Variants in CLEC7A observed in about 807,000 individuals in gnomAD.
CLEC7A encodes C-type lectin domain family 7 member A.
CLEC7A carries 25 observed loss-of-function variants against 26.9 expected under a neutral mutation model. That is an observed-to-expected ratio of 0.93 (90% CI 0.68 to 1.30). The LOEUF (loss-of-function observed/expected upper bound fraction) is 1.30. CLEC7A is among the 50% of genes most tolerant of loss of function. The pLI is 0.00. For synonymous variants in CLEC7A, 100 were observed against 99.5 expected (o/e 1.01, Z -0.03); for missense variants, 275 against 286.7 (o/e 0.96, Z 0.29).
chr12:10,123,404 G>A lies in CLEC7A; in HGVS notation c.493-41C>T, dbSNP rs571106532. On this transcript the variant is annotated intron_variant, in intron 4 of 5. Transcript: ENST00000304084. ...TACAAATATATAATAAAGAGAGAGA[G>A]AGAGAGAGAAAGAAACTATTATCAT... is the stretch of plus-strand genomic sequence containing the variant. 92 of 1,134,840 alleles carry A rather than the reference G, an allele frequency of 8.1e-5. No individual in the cohort carries two copies. The Admixed American group carries it at 1.3e-3, about 16-fold the overall frequency. The allele number at this position is 1,134,840 out of a possible 1,614,324, so 70.3% of individuals were successfully genotyped here.
chr12:10,122,469 A>G (rs1425253482), intron 5 of CLEC7A, among the ~76,000 whole-genome samples: 1 of 143,170 alleles, frequency 7.0e-6, no homozygotes, highest in African/African-American at 2.8e-5. Flanking sequence ...AGAGGAAAGC[A>G]CTCTTTCTTT....
intron 5 of CLEC7A, among the ~76,000 whole-genome samples, chr12:10,121,501 C>T (rs1038556204): frequency 1.3e-5 from 2 of 152,140 alleles, no homozygotes; most frequent in African/African-American, 2.4e-5. Context: ...ACTACAAGCA[C>T]GTGGAGCATG....
Position 10,126,683 on chromosome 12 carries a change from G to T in CLEC7A, c.228C>A (p.Ser76Arg). The T allele has an allele frequency of 6.2e-7, 1 of 1,611,400 alleles. No homozygotes were observed. The highest frequency in any genetic ancestry group is 8.5e-7 in the Non-Finnish European group (1 of 1,178,884). ...TMAIWRSNSGSNTLENGYFLS... is the reference protein window; with the variant it reads ...TMAIWRSNSGRNTLENGYFLS... ...GAAAGTAGCCATTCTCCAATGTGTT[G>T]CTTCCTGAATTGGATCTCCAAATAG... is the stretch of plus-strand genomic sequence containing the variant. Residue 76 changes from serine (S) to arginine (R), a missense_variant, in exon 3 of 6, where the codon AGC becomes AGA. Ser to Arg is a moderately radical substitution (Grantham distance 110). Coordinates refer to ENST00000304084, the MANE Select transcript of CLEC7A (RefSeq NM_197947.3).
At chr12:10,123,460 C>T (rs1565622046) in intron 4 of CLEC7A, 97 bp from the exon 5 acceptor site, 1 of 853,318 alleles carries the variant, frequency 1.2e-6, no homozygotes, top group East Asian at 2.6e-5. Flanking sequence ...CTGATTGAAT[C>T]ACTTTGGTAA....
At chr12:10,124,899 A>G (rs1948221149) in intron 4 of CLEC7A, 1 of 192,408 alleles carries the variant, frequency 5.2e-6, no homozygotes, top group South Asian at 8.8e-5. Context: ...AATTATAGAG[A>G]TATTAAAAAT....
intron 3 of CLEC7A, among the ~76,000 whole-genome samples, chr12:10,125,988 T>C (rs949222105): frequency 1.3e-5 from 2 of 152,212 alleles, no homozygotes; most frequent in Non-Finnish European, 1.5e-5. Context: ...TAAGTCATAG[T>C]CAATTATGAT....
chr12:10,129,915 G>C (rs1948432896), intron 1 of CLEC7A, 65 bp downstream of exon 1: 5 of 942,184 alleles, frequency 5.3e-6, no homozygotes, highest in Non-Finnish European at 8.4e-6. Context: ...ACCATGCCTA[G>C]CCTCCCCTTA....
intron 5 of CLEC7A, 101 bp downstream of exon 5, chr12:10,123,144 G>T: frequency 5.7e-6 from 4 of 704,598 alleles, no homozygotes; most frequent in Non-Finnish European, 5.1e-6. Context: ...CTCATATATG[G>T]TGAGCAAATC....
At chr12:10,118,900 A>G (rs1457569759) in intron 5 of CLEC7A, among the ~76,000 whole-genome samples, 2 of 152,176 alleles carry the variant, frequency 1.3e-5, no homozygotes, top group Non-Finnish European at 2.9e-5. Context: ...TATATCTTTC[A>G]GCCTATTACT....
chr12:10,128,732 G>A (rs555247551), intron 1 of CLEC7A, among the ~76,000 whole-genome samples: 11 of 152,258 alleles, frequency 7.2e-5, no homozygotes, highest in African/African-American at 2.6e-4. Flanking sequence ...GATACCGTTT[G>A]CCTACACATA....
chr12:10,117,763 C>G lies in CLEC7A; in HGVS notation c.*695G>C, dbSNP rs1947955611. On this transcript the variant is annotated 3_prime_UTR_variant, in exon 6 of 6. Coordinates refer to ENST00000304084, the MANE Select transcript of CLEC7A (RefSeq NM_197947.3). Reference sequence around the variant, plus strand: ...TCACCCTCAGTTCATAACTGATATACTGCTAGAAGTTGAGGGTCAAATCGT... The same window carrying G: ...TCACCCTCAGTTCATAACTGATATAGTGCTAGAAGTTGAGGGTCAAATCGT... 6.6e-6 allele frequency: 1 copy of G among 152,152 alleles called. No individual in the cohort carries two copies. Among genetic ancestry groups the G allele is most frequent in the African/African-American group, 2.4e-5 (1 of 41,396 alleles). 9.4% of individuals were successfully genotyped at this position (152,152 alleles called of 1,614,324 possible).
At chr12:10,123,413 A>AGAGG in intron 4 of CLEC7A, 50 bp from the exon 5 acceptor site, 1 of 1,111,270 alleles carries the variant, frequency 9.0e-7, no homozygotes, top group African/African-American at 1.6e-5. Flanking sequence ...AGAGAGAGAG[A>AGAGG]AAGAAACTAT....
chr12:10,124,123 A>T (rs1258835273), intron 4 of CLEC7A, among the ~76,000 whole-genome samples: 2 of 152,244 alleles, frequency 1.3e-5, no homozygotes, highest in Non-Finnish European at 2.9e-5. Flanking sequence ...ATGTAATCTG[A>T]GGTTCAGTGA....
At chr12:10,123,973 T>TA (rs1769660602) in intron 4 of CLEC7A, among the ~76,000 whole-genome samples, 1 of 152,212 alleles carries the variant, frequency 6.6e-6, no homozygotes, top group Admixed American at 6.5e-5. Flanking sequence ...ACAGTCCCCC[T>TA]AGGCAGTTTT....
intron 5 of CLEC7A, among the ~76,000 whole-genome samples, chr12:10,120,187 A>G (rs1948033844): frequency 1.3e-5 from 2 of 152,204 alleles, no homozygotes; most frequent in Non-Finnish European, 2.9e-5. Flanking sequence ...CAAAAGAAAC[A>G]TATAGGATGG....
intron 1 of CLEC7A, among the ~76,000 whole-genome samples, chr12:10,128,666 CAT>C (rs1948388425): frequency 6.6e-6 from 1 of 152,110 alleles, no homozygotes; most frequent in Non-Finnish European, 1.5e-5. Context: ...CGAGCTAACA[CAT>C]ATAAAAGCAC....
chr12:10,121,304 T>G (rs1018695095), intron 5 of CLEC7A, among the ~76,000 whole-genome samples: 52 of 150,586 alleles, frequency 3.5e-4, no homozygotes, highest in African/African-American at 1.1e-3. Flanking sequence ...AGAAAAAGTG[T>G]TAAATCGTCC....
At chr12:10,123,398 G>GAA in intron 4 of CLEC7A, 35 bp from the exon 5 acceptor site, 1 of 1,084,338 alleles carries the variant, frequency 9.2e-7, no homozygotes, top group African/African-American at 1.6e-5. Flanking sequence ...ATAATAAAGA[G>GAA]AGAGAGAGAG....
chr12:10,126,185 T>C (rs373575831), intron 3 of CLEC7A: 15 of 984,702 alleles, frequency 1.5e-5, no homozygotes, highest in Middle Eastern at 5.2e-4. Flanking sequence ...TCATTCTTCC[T>C]TTCTAATGTC....
Sources: gnomAD v4.1 joint callset for allele counts (sites outside exome capture counted in the v4.1 genomes callset) on GRCh38, gnomAD v4.1.1 for gene constraint, MANE v1.5 for transcripts, NCBI Gene and HGNC (gene_info 2026-07-23, HGNC 2026-07-21) for gene names.